The following TTC7B variants were observed in gnomAD, a reference collection of about 807,000 sequenced individuals.
TTC7B encodes tetratricopeptide repeat domain 7B.
A neutral mutation model predicts 106.8 loss-of-function variants in TTC7B; 28 were observed. The ratio of observed to expected loss-of-function variants is 0.26; its 90% CI spans 0.19 to 0.36. TTC7B has a LOEUF of 0.36. Ranked by LOEUF, TTC7B falls within the 10% of genes least tolerant of loss-of-function variation. The pLI is 1.00. For synonymous variants in TTC7B, 405 were observed against 430.6 expected (o/e 0.94, Z 0.74); for missense variants, 862 against 1,076.4 (o/e 0.80, Z 2.79).
chr14:90,741,088 G>GT (rs1386816367), intron 4 of TTC7B, among the ~76,000 whole-genome samples: 5 of 152,168 alleles, frequency 3.3e-5, no homozygotes, highest in African/African-American at 1.2e-4. Context: ...GCTAAAGGGG[G>GT]CAAGGCCAGG....
chr14:90,806,263 G>A (rs1279826486), intron 1 of TTC7B, among the ~76,000 whole-genome samples: 7 of 152,212 alleles, frequency 4.6e-5, no homozygotes, highest in Admixed American at 3.3e-4. Flanking sequence ...CTGAATGAAC[G>A]GCTGGAGGAG....
At chr14:90,752,395 C>A (rs1890165042) in intron 3 of TTC7B, among the ~76,000 whole-genome samples, 2 of 152,172 alleles carry the variant, frequency 1.3e-5, no homozygotes, top group Non-Finnish European at 2.9e-5. Context: ...AGGCTCAATA[C>A]CTCTGACAGG....
chr14:90,731,078 TG>T (rs1889308267), intron 4 of TTC7B, among the ~76,000 whole-genome samples: 1 of 152,136 alleles, frequency 6.6e-6, no homozygotes, highest in Non-Finnish European at 1.5e-5. Context: ...CCCAAGTAGC[TG>T]GGACTACAGG....
intron 1 of TTC7B, among the ~76,000 whole-genome samples, chr14:90,790,978 T>C (rs950155625): frequency 2.6e-5 from 4 of 151,956 alleles, no homozygotes; most frequent in Non-Finnish European, 5.9e-5. Flanking sequence ...AGGATGTGGA[T>C]AGAAAGCTGG....
At chr14:90,704,603 C>A (rs865918991) in intron 5 of TTC7B, among the ~76,000 whole-genome samples, 5 of 152,184 alleles carry the variant, frequency 3.3e-5, no homozygotes, top group Non-Finnish European at 2.9e-5. Flanking sequence ...AGGCTCCCAG[C>A]GGCACAGGCC....
chr14:90,766,508 G>A (rs747694606), intron 3 of TTC7B: 10 of 710,320 alleles, frequency 1.4e-5, no homozygotes, highest in East Asian at 7.4e-5. Flanking sequence ...GGAGGCCTAC[G>A]TGCCACCTCT....
chr14:90,703,485 A>C (rs1038389743), intron 5 of TTC7B, among the ~76,000 whole-genome samples: 1 of 152,198 alleles, frequency 6.6e-6, no homozygotes, highest in Non-Finnish European at 1.5e-5. Flanking sequence ...GTTCACTTCC[A>C]TTCAATTGAC....
chr14:90,590,383 A>T (rs577757994), intron 18 of TTC7B, among the ~76,000 whole-genome samples: 15 of 152,222 alleles, frequency 9.9e-5, no homozygotes, highest in Non-Finnish European at 1.6e-4. Context: ...GCAAGCCTCA[A>T]ATCTGGGTCC....
chr14:90,565,000 C>T (rs908129715), intron 19 of TTC7B, among the ~76,000 whole-genome samples: 1 of 152,258 alleles, frequency 6.6e-6, no homozygotes. Context: ...TCTCTGTCTG[C>T]ACTTGTTGCT....
rs74085597 is a variant in TTC7B, at chr14:90,814,726, G to A, written c.121+1449C>T. On this transcript the variant is annotated intron_variant, in intron 1 of 19. Coordinates refer to ENST00000328459, the MANE Select transcript of TTC7B (RefSeq NM_001010854.2). ...AAAAGAGAAAATGCTGCAGGTAAGC[G>A]GAGAAGCAGGTGAGCCCGACACGGA... is the stretch of plus-strand genomic sequence containing the variant. Among the ~76,000 whole-genome samples the A allele has an allele frequency of 7.1e-3, 1,084 of 152,224 alleles. 15 individuals are homozygous for A. Among genetic ancestry groups the A allele is most frequent in the African/African-American group, 0.025 (1,036 of 41,522 alleles).
rs1352311292 is a variant in TTC7B at position 90,781,354 on chromosome 14, A to AATTCATT, written c.277-455_277-449dup. ...TTGGGAGGTGATGAAAATGTTCTAG[A>AATTCATT]ATTCATTGTGGTGATGGTTGCACAA... is the stretch of plus-strand genomic sequence containing the variant. On this transcript the variant is annotated intron_variant, in intron 2 of 19. Coordinates refer to ENST00000328459, the MANE Select transcript of TTC7B (RefSeq NM_001010854.2). Among the ~76,000 whole-genome samples, 3 of 152,178 alleles carry AATTCATT rather than the reference A, an allele frequency of 2.0e-5. No homozygotes were observed. The East Asian group carries it at 5.8e-4, about 29-fold the overall frequency.
chr14:90,749,211 G>T (rs892840617), intron 3 of TTC7B, among the ~76,000 whole-genome samples: 14 of 151,872 alleles, frequency 9.2e-5, no homozygotes, highest in Non-Finnish European at 1.5e-4. Flanking sequence ...GAAGTGCTTG[G>T]GCTTTGTTGA....
chr14:90,657,247 C>T lies in TTC7B; in HGVS notation c.1268G>A (p.Cys423Tyr), dbSNP rs200150046. The T allele has an allele frequency of 6.2e-7, 1 of 1,614,058 alleles. No individual in the cohort carries two copies. The highest frequency in any genetic ancestry group is 8.5e-7 in the Non-Finnish European group (1 of 1,180,026). Residue 423 changes from cysteine (C) to tyrosine (Y), a missense_variant, in exon 11 of 20, where the codon TGT becomes TAT. Cys to Tyr is a radical substitution (Grantham distance 194, BLOSUM62 -2). Coordinates refer to ENST00000328459, the MANE Select transcript of TTC7B (RefSeq NM_001010854.2). The surrounding 1 kb of genome is among the most constrained non-coding windows in gnomAD (Gnocchi z 4.2). ...SARAVKVLKE[C>Y]IRLKPDDATI... is the part of the protein sequence containing the mutation. ...GGCATCGTCTGGCTTCAGGCGGATA[C>T]ACTCTTTCAGCACCTTCACGGCACG...
intron 2 of TTC7B, among the ~76,000 whole-genome samples, chr14:90,783,703 G>A (rs988601163): frequency 3.3e-5 from 5 of 152,240 alleles, no homozygotes; most frequent in African/African-American, 4.8e-5. Flanking sequence ...TTCGGAGGCC[G>A]ACGCAGGCAG....
chr14:90,731,237 C>G (rs1889317006), intron 4 of TTC7B, among the ~76,000 whole-genome samples: 1 of 152,150 alleles, frequency 6.6e-6, no homozygotes, highest in Admixed American at 6.5e-5. Context: ...AGGCGTGAGC[C>G]CCTGCGCCCG....
intron 5 of TTC7B, among the ~76,000 whole-genome samples, chr14:90,716,127 G>A (rs1888646657): frequency 1.3e-5 from 2 of 152,206 alleles, no homozygotes; most frequent in South Asian, 4.1e-4. Flanking sequence ...TCCAAGTACA[G>A]CCTAAACAGG....
At chr14:90,678,557 C>T (rs1370822636) in intron 8 of TTC7B, among the ~76,000 whole-genome samples, 1 of 152,176 alleles carries the variant, frequency 6.6e-6, no homozygotes, top group African/African-American at 2.4e-5. Context: ...AAATGATTTA[C>T]AGGAAGAACA....
chr14:90,673,760 T>C (rs1296257350), intron 9 of TTC7B, among the ~76,000 whole-genome samples: 1 of 152,110 alleles, frequency 6.6e-6, no homozygotes, highest in Admixed American at 6.5e-5. Context: ...TATTCAGCCA[T>C]AAAAAGAAAT....
intron 1 of TTC7B, among the ~76,000 whole-genome samples, chr14:90,815,631 C>T (rs1428428042): frequency 1.3e-5 from 2 of 152,100 alleles, no homozygotes; most frequent in African/African-American, 4.8e-5. Context: ...TTTCTACCAC[C>T]ACCCCACACA....
Sources: gnomAD v4.1 joint callset for allele counts (sites outside exome capture counted in the v4.1 genomes callset) on GRCh38, gnomAD v4.1.1 for gene constraint, Gnocchi (gnomAD v3.1) non-coding constraint, MANE v1.5 for transcripts, NCBI Gene and HGNC (gene_info 2026-07-23, HGNC 2026-07-21) for gene names.